The following OLFML1 variants were observed in gnomAD, a reference collection of about 807,000 sequenced individuals.
OLFML1 encodes the protein olfactomedin like 1, also known as olfactomedin-like protein 1.
A neutral mutation model predicts 37.3 loss-of-function variants in OLFML1; 33 were observed. The observed-to-expected ratio is 0.88, with a 90% CI of 0.67 to 1.18. OLFML1 has a LOEUF of 1.18. Ranked by LOEUF, OLFML1 falls within the 50% of genes most tolerant of loss-of-function variation. The probability of loss-of-function intolerance (pLI) is 0.00; values close to 1 mark genes in which losing one functional copy is unlikely to be tolerated. For missense variants in OLFML1, 545 were observed against 483.7 expected (o/e 1.13, Z -1.19); for synonymous variants, 186 against 181.3 (o/e 1.03, Z -0.21).
rs189455555 is a variant in OLFML1 at position 7,496,557 on chromosome 11, A to C, written c.418+8142A>C. ...CATGTTGAGAAAGGATAAAAAGAAC[A>C]GGATGAAATGAGATGTACTTCACAG... On this transcript the variant is annotated intron_variant, in intron 2 of 2. Coordinates refer to ENST00000329293, the MANE Select transcript of OLFML1 (RefSeq NM_198474.4). 2.4e-3 allele frequency among the ~76,000 whole-genome samples: 373 copies of C among 152,334 alleles called. 1 individual carries two copies. Among genetic ancestry groups the C allele is most frequent in the Non-Finnish European group, 1.5e-3 (102 of 68,036 alleles).
At chr11:7,505,696 T>C (rs1477987257) in intron 2 of OLFML1, among the ~76,000 whole-genome samples, 1 of 152,080 alleles carries the variant, frequency 6.6e-6, no homozygotes, top group Non-Finnish European at 1.5e-5. Context: ...CTGGACCTGG[T>C]GGTATGCATC....
chr11:7,485,694 G>A lies in OLFML1; in HGVS notation c.-182G>A. 1.6e-6 allele frequency: 1 copy of A among 639,700 alleles called. No individual in the cohort carries two copies. Among genetic ancestry groups the A allele is most frequent in the Non-Finnish European group, 2.7e-6 (1 of 367,720 alleles). The allele number at this position is 639,700 out of a possible 1,614,324, so 39.6% of individuals were successfully genotyped here. ...CAACAGCTGGACTTGATCACTAGCT[G>A]GCAAACTGAGCTCACGTATCGGGTG... On this transcript the variant is annotated 5_prime_UTR_variant, in exon 1 of 3. Transcript: ENST00000329293.
At chr11:7,502,308 C>T (rs886122248) in intron 2 of OLFML1, among the ~76,000 whole-genome samples, 2 of 152,200 alleles carry the variant, frequency 1.3e-5, no homozygotes, top group African/African-American at 4.8e-5. Context: ...GCAGGGGCCA[C>T]ATTATGTAGA....
Sources: allele counts gnomAD v4.1 joint callset (sites outside exome capture counted in the v4.1 genomes callset), GRCh38; gene constraint gnomAD v4.1.1; transcripts MANE v1.5; gene names NCBI Gene and HGNC (gene_info 2026-07-23, HGNC 2026-07-21).